The following CSDC2 variants were observed in gnomAD, a reference collection of about 807,000 sequenced individuals.
CSDC2 encodes cold shock domain containing C2, also known as cold shock domain-containing protein C2.
A neutral mutation model predicts 15.8 loss-of-function variants in CSDC2; 8 were observed. The observed-to-expected ratio is 0.51, with a 90% CI of 0.30 to 0.92. The LOEUF is 0.92. CSDC2 is among the 40% of genes least tolerant of loss of function. CSDC2 has a pLI of 0.07. For synonymous variants in CSDC2, 96 were observed against 92.3 expected, an observed-to-expected ratio of 1.04 and a Z score of -0.23; for missense variants, 195 against 213.3, an observed-to-expected ratio of 0.91 and a Z score of 0.53.
intron 1 of CSDC2, among the ~76,000 whole-genome samples, chr22:41,564,054 A>G (rs901720604): frequency 2.0e-5 from 3 of 146,992 alleles, no homozygotes; most frequent in Non-Finnish European, 4.5e-5. Context: ...ACTGCACTCC[A>G]GCCTGGGCGA....
chr22:41,564,313 G>T (rs550998520), intron 1 of CSDC2, among the ~76,000 whole-genome samples: 1 of 151,830 alleles, frequency 6.6e-6, no homozygotes, highest in South Asian at 2.1e-4. Flanking sequence ...AGGCTGGAGT[G>T]CAGTGGCGCG....
chr22:41,575,282 T>C lies in CSDC2; in HGVS notation c.*387T>C. 1 of 230,690 alleles carries C rather than the reference T, an allele frequency of 4.3e-6. No homozygotes were observed. Among genetic ancestry groups the C allele is most frequent in the Non-Finnish European group, 8.5e-6 (1 of 117,354 alleles). 14.3% of individuals were successfully genotyped at this position (230,690 alleles called of 1,614,324 possible). A position where few individuals can be genotyped will look rare whatever the true frequency, so the allele number is the denominator to read the frequency against. ...TGGCCTCCGCCCCTGAGCTGTCCCG[T>C]GTCAGTCCCTGGCCCGGAGCCAGGC... On this transcript the variant is annotated 3_prime_UTR_variant, in exon 4 of 4. Transcript: ENST00000306149.
Position 41,572,133 on chromosome 22 carries a change from C to G in CSDC2, c.168C>G (p.Thr56=), listed in dbSNP as rs765653573. The part of the protein sequence containing the change: ...PSPLPTKRTR[T]YSATARASAG... ...CTCTGCCCACCAAGCGGACCAGGAC[C>G]TATTCAGCGTGAGTACCTGCCCCTT... is the stretch of plus-strand genomic sequence containing the variant. The change falls in exon 2 of 4, where the codon ACC becomes ACG. Residue 56 remains threonine, a synonymous_variant. Coordinates refer to ENST00000306149, the MANE Select transcript of CSDC2 (RefSeq NM_014460.4). 3.7e-5 allele frequency: 49 copies of G among 1,325,806 alleles called. No individual in the cohort carries two copies. Among genetic ancestry groups the G allele is most frequent in the Middle Eastern group, 4.0e-4 (2 of 4,982 alleles). 82.1% of individuals were successfully genotyped at this position (1,325,806 alleles called of 1,614,324 possible).
Position 41,575,194 on chromosome 22 carries a change from G to A in CSDC2, c.*299G>A, listed in dbSNP as rs1294669984. On this transcript the variant is annotated 3_prime_UTR_variant, in exon 4 of 4. Coordinates refer to ENST00000306149, the MANE Select transcript of CSDC2 (RefSeq NM_014460.4). ...TGCCGCAGACACGCAGGACCCGCTC[G>A]CCCTCCTGCTTACCCGTCCCCACGG... 6.5e-6 allele frequency: 3 copies of A among 459,576 alleles called. No homozygotes were observed. Among genetic ancestry groups the A allele is most frequent in the South Asian group, 5.2e-5 (2 of 38,324 alleles). 28.5% of individuals were successfully genotyped at this position (459,576 alleles called of 1,614,324 possible).
chr22:41,563,883 A>G (rs939161774), intron 1 of CSDC2, among the ~76,000 whole-genome samples: 2 of 151,574 alleles, frequency 1.3e-5, no homozygotes, highest in East Asian at 3.9e-4. Context: ...CATCCTGGCT[A>G]ACACGGTGAA....
chr22:41,563,633 CA>C (rs1018751622), intron 1 of CSDC2, among the ~76,000 whole-genome samples: 4 of 152,086 alleles, frequency 2.6e-5, no homozygotes, highest in African/African-American at 9.7e-5. Flanking sequence ...CCTCCTTCTC[CA>C]GGGGAGGGTG....
chr22:41,570,821 CAAAAAA>C (rs34010467), intron 1 of CSDC2, among the ~76,000 whole-genome samples: 1 of 89,656 alleles, frequency 1.1e-5, no homozygotes. Flanking sequence ...GACTCTGTCT[CAAAAAA>C]AAAAAAAAAA....
At chr22:41,571,523 G>A (rs2067145007) in intron 1 of CSDC2, among the ~76,000 whole-genome samples, 1 of 152,144 alleles carries the variant, frequency 6.6e-6, no homozygotes, top group South Asian at 2.1e-4. Flanking sequence ...ACAAAGCTAA[G>A]GTTTGAACCC....
rs1459762782 is a variant in CSDC2, at chr22:41,566,464, A to C, written c.-124+5281A>C. 2.2e-3 allele frequency among the ~76,000 whole-genome samples: 321 copies of C among 148,386 alleles called. 1 individual carries two copies. The highest frequency in any genetic ancestry group is 5.6e-3 in the African/African-American group (225 of 40,118). On this transcript the variant is annotated intron_variant, in intron 1 of 3. Coordinates refer to ENST00000306149, the MANE Select transcript of CSDC2 (RefSeq NM_014460.4). ...TCTAAAAAAAAAAAAAAAAAAAAAA[A>C]AAACACACAAAAATTAGCTGGGTGT...
intron 1 of CSDC2, among the ~76,000 whole-genome samples, chr22:41,568,117 T>G (rs961432948): frequency 1.3e-4 from 17 of 128,450 alleles, no homozygotes; most frequent in African/African-American, 4.9e-4. Context: ...GAGAGTCTTT[T>G]TTTTCTCTCT....
intron 1 of CSDC2, among the ~76,000 whole-genome samples, chr22:41,566,305 G>A (rs552929711): frequency 4.6e-5 from 7 of 151,974 alleles, no homozygotes; most frequent in African/African-American, 7.2e-5. Context: ...TTAGCTGGGC[G>A]TGGTGGCACA....
In CSDC2 at chr22:41,575,166, C is replaced by A; in HGVS notation, c.*271C>A. ...CTGTCCACTGCCTCTCTCCTCCCCT[C>A]CCTGCCGCAGACACGCAGGACCCGC... On this transcript the variant is annotated 3_prime_UTR_variant, in exon 4 of 4. Transcript: ENST00000306149. 1 of 521,900 alleles carries A rather than the reference C, an allele frequency of 1.9e-6. No homozygotes were observed. The highest frequency in any genetic ancestry group is 3.4e-6 in the Non-Finnish European group (1 of 290,644). 32.3% of individuals were successfully genotyped at this position (521,900 alleles called of 1,614,324 possible).
At chr22:41,563,736 G>C (rs1012883164) in intron 1 of CSDC2, among the ~76,000 whole-genome samples, 1 of 151,970 alleles carries the variant, frequency 6.6e-6, no homozygotes, top group African/African-American at 2.4e-5. Context: ...AGAGCTCAGC[G>C]AGGCTCTTCA....
At chr22:41,572,459 T>C (rs566180723) in intron 2 of CSDC2, among the ~76,000 whole-genome samples, 24 of 140,860 alleles carry the variant, frequency 1.7e-4, no homozygotes, top group Non-Finnish European at 3.3e-4. Context: ...CATCCATCCA[T>C]CCACCCACCC....
chr22:41,567,769 T>C (rs1373357185), intron 1 of CSDC2, among the ~76,000 whole-genome samples: 1 of 152,188 alleles, frequency 6.6e-6, no homozygotes, highest in Non-Finnish European at 1.5e-5. Flanking sequence ...TGTCCTTGAG[T>C]GAGTGATTTA....
At chr22:41,563,026 G>C (rs1478527990) in intron 1 of CSDC2, among the ~76,000 whole-genome samples, 1 of 152,076 alleles carries the variant, frequency 6.6e-6, no homozygotes, top group Non-Finnish European at 1.5e-5. Flanking sequence ...GTGCCGTCCT[G>C]GTTTCCCCAC....
chr22:41,573,022 C>T (rs1324554306), intron 2 of CSDC2, among the ~76,000 whole-genome samples: 20 of 152,188 alleles, frequency 1.3e-4, no homozygotes, highest in East Asian at 5.8e-4. Flanking sequence ...ACGACTGGTG[C>T]GTGCCACCAC....
rs1012039517 is a variant in CSDC2, at chr22:41,572,003, C to G, written c.38C>G (p.Pro13Arg). 2 of 1,363,972 alleles carry G rather than the reference C, an allele frequency of 1.5e-6. No individual in the cohort carries two copies. Among genetic ancestry groups the G allele is most frequent in the Non-Finnish European group, 1.9e-6 (2 of 1,056,830 alleles). 84.5% of individuals were successfully genotyped at this position (1,363,972 alleles called of 1,614,324 possible). A position where few individuals can be genotyped will look rare whatever the true frequency, so the allele number is the denominator to read the frequency against. The part of the protein sequence containing the change: ...SESTSPPVVP[P>R]LHSPKSPVWP... Reference sequence around the variant, plus strand: ...TCGACGTCACCCCCAGTTGTGCCCCCGCTCCACTCCCCCAAGTCCCCAGTC... The same window carrying G: ...TCGACGTCACCCCCAGTTGTGCCCCGGCTCCACTCCCCCAAGTCCCCAGTC... Residue 13 changes from proline (P) to arginine (R), a missense_variant, in exon 2 of 4, where the codon CCG (proline) becomes CGG (arginine). Coordinates refer to ENST00000306149, the MANE Select transcript of CSDC2 (RefSeq NM_014460.4).
chr22:41,564,931 G>T (rs558241609), intron 1 of CSDC2, among the ~76,000 whole-genome samples: 1 of 152,230 alleles, frequency 6.6e-6, no homozygotes, highest in African/African-American at 2.4e-5. Flanking sequence ...ACTTTGGGAG[G>T]CCAAGGGGGT....
Sources: gnomAD v4.1 joint callset for allele counts (sites outside exome capture counted in the v4.1 genomes callset) on GRCh38, gnomAD v4.1.1 for gene constraint, MANE v1.5 for transcripts, NCBI Gene and HGNC (gene_info 2026-07-23, HGNC 2026-07-21) for gene names.